COL21A1: variants seen among roughly 807,000 people sequenced by gnomAD.
The protein encoded by COL21A1 is collagen alpha-1(XXI) chain.
COL21A1 carries 149 observed loss-of-function variants against 137.9 expected under a neutral mutation model. The observed-to-expected ratio is 1.08, with a 90% CI of 0.95 to 1.24. The LOEUF (loss-of-function observed/expected upper bound fraction) is 1.24, where lower values mean the gene tolerates loss of function less well. Ranked by LOEUF, COL21A1 falls within the 50% of genes most tolerant of loss-of-function variation. The pLI is 0.00. For synonymous variants in COL21A1, 456 were observed against 391.5 expected, an observed-to-expected ratio of 1.16 and a Z score of -1.95; for missense variants, 1,167 against 1,158.4, an observed-to-expected ratio of 1.01 and a Z score of -0.11.
intron 1 of COL21A1, among the ~76,000 whole-genome samples, chr6:56,204,198 G>A (rs906380600): frequency 1.3e-5 from 2 of 152,040 alleles, no homozygotes; most frequent in African/African-American, 4.8e-5. Flanking sequence ...TCCGTGGGTC[G>A]CTCCCCCATG....
At chr6:56,240,270 C>G (rs1039604501) in intron 1 of COL21A1, among the ~76,000 whole-genome samples, 1 of 151,792 alleles carries the variant, frequency 6.6e-6, no homozygotes, top group East Asian at 1.9e-4. Context: ...CAGCTTTCAG[C>G]TGGCTTTCCC....
At chr6:56,330,252 G>T (rs1444218729) in intron 1 of COL21A1, among the ~76,000 whole-genome samples, 2 of 151,664 alleles carry the variant, frequency 1.3e-5, no homozygotes, top group Admixed American at 1.3e-4. Flanking sequence ...TAGATTTTTG[G>T]TATAAACCAA....
At chr6:56,076,347 A>G (rs1456404559) in intron 18 of COL21A1, among the ~76,000 whole-genome samples, 1 of 151,536 alleles carries the variant, frequency 6.6e-6, no homozygotes, top group Non-Finnish European at 1.5e-5. Flanking sequence ...CAATGAGCTC[A>G]TGATAAACAA....
At chr6:56,236,884 G>C (rs1387815522) in intron 1 of COL21A1, among the ~76,000 whole-genome samples, 1 of 151,992 alleles carries the variant, frequency 6.6e-6, no homozygotes, top group Non-Finnish European at 1.5e-5. Context: ...TGCTGCGAAA[G>C]TGATGAAATA....
chr6:56,157,307 CTTTTTT>C (rs34605782), intron 9 of COL21A1, among the ~76,000 whole-genome samples: 2 of 94,036 alleles, frequency 2.1e-5, no homozygotes, highest in Non-Finnish European at 2.0e-5. Flanking sequence ...ACTCATAAGA[CTTTTTT>C]TTTTTTTTTT....
intron 16 of COL21A1, among the ~76,000 whole-genome samples, 197 bp from the exon 17 acceptor site, chr6:56,101,722 C>T (rs1034535854): frequency 2.6e-5 from 4 of 151,742 alleles, no homozygotes; most frequent in African/African-American, 2.4e-5. Flanking sequence ...ATATAAACAA[C>T]AAAAATGTGT....
intron 3 of COL21A1, among the ~76,000 whole-genome samples, chr6:56,178,174 G>A (rs1382592496): frequency 6.6e-6 from 1 of 152,092 alleles, no homozygotes; most frequent in Non-Finnish European, 1.5e-5. Flanking sequence ...TGAATGATAA[G>A]TGAAATTTCT....
intron 1 of COL21A1, among the ~76,000 whole-genome samples, chr6:56,265,170 G>A: frequency 6.6e-6 from 1 of 152,172 alleles, no homozygotes; most frequent in Non-Finnish European, 1.5e-5. Context: ...CAAGCTACTT[G>A]GAAAATTAAG....
chr6:56,135,841 T>G (rs1773958037), intron 12 of COL21A1, among the ~76,000 whole-genome samples: 1 of 152,220 alleles, frequency 6.6e-6, no homozygotes, highest in Admixed American at 6.5e-5. Flanking sequence ...CTAGAGAATT[T>G]TATTTGACTT....
intron 16 of COL21A1, among the ~76,000 whole-genome samples, chr6:56,109,027 T>G (rs903230143): frequency 1.4e-4 from 22 of 151,858 alleles, no homozygotes; most frequent in African/African-American, 5.3e-4. Flanking sequence ...TTAAAAAAAG[T>G]TAATGAAAAC....
At chr6:56,325,962 A>G (rs757847438) in intron 1 of COL21A1, among the ~76,000 whole-genome samples, 1 of 62,218 alleles carries the variant, frequency 1.6e-5, no homozygotes, top group South Asian at 5.9e-4. Context: ...TAATATATAT[A>G]ATATATATTA....
At chr6:56,149,207 G>A (rs12211619) in intron 10 of COL21A1, among the ~76,000 whole-genome samples, 22,951 of 151,778 alleles carry the variant, frequency 0.15, 1,742 homozygotes, top group Middle Eastern at 0.23. Flanking sequence ...TAAATTCCCA[G>A]TGAAATCAAG....
upstream of COL21A1, among the ~76,000 whole-genome samples, chr6:56,252,458 T>TTAA (rs1554170561): frequency 2.0e-5 from 3 of 152,316 alleles, no homozygotes; most frequent in East Asian, 5.8e-4. Flanking sequence ...ATTTATTTTT[T>TTAA]AAAAAATGAA....
At chr6:56,203,532 T>G (rs1419700607) in intron 1 of COL21A1, among the ~76,000 whole-genome samples, 1 of 152,192 alleles carries the variant, frequency 6.6e-6, no homozygotes, top group African/African-American at 2.4e-5. Flanking sequence ...CTGGGGCATG[T>G]GAGACATAAG....
chr6:56,282,178 C>A (rs1478325396), intron 1 of COL21A1, among the ~76,000 whole-genome samples: 2 of 151,994 alleles, frequency 1.3e-5, no homozygotes, highest in Non-Finnish European at 2.9e-5. Flanking sequence ...CCTTAGGAAG[C>A]CTTTCTATTA....
intron 1 of COL21A1, among the ~76,000 whole-genome samples, chr6:56,241,512 A>G (rs772774048): frequency 6.6e-5 from 10 of 152,230 alleles, no homozygotes; most frequent in Non-Finnish European, 1.2e-4. Flanking sequence ...TTGCTAGCTA[A>G]CAAGGAATCT....
intron 1 of COL21A1, among the ~76,000 whole-genome samples, chr6:56,227,902 G>C (rs1315798002): frequency 6.6e-6 from 1 of 151,970 alleles, no homozygotes; most frequent in Admixed American, 6.6e-5. Context: ...TTCTCTGAGA[G>C]GAAGTAAAGT....
In COL21A1 at chr6:56,134,555, T is replaced by C. The variant is rs377348667; in HGVS notation, c.1542+7230A>G. Among the ~76,000 whole-genome samples, 192 of 152,306 alleles carry C rather than the reference T, an allele frequency of 1.3e-3. 4 individuals are homozygous for C. Among genetic ancestry groups the C allele is most frequent in the African/African-American group, 4.3e-3 (180 of 41,562 alleles). On this transcript the variant is annotated intron_variant, in intron 12 of 29. Transcript: ENST00000244728. ...TGGGAAGGCATGATTGGTTTTGAAATGTGAAGACATAAGATTTGGGAGGGA... is the reference window on the plus strand; with the variant it reads ...TGGGAAGGCATGATTGGTTTTGAAACGTGAAGACATAAGATTTGGGAGGGA...
intron 1 of COL21A1, among the ~76,000 whole-genome samples, chr6:56,197,198 A>G (rs541859870): frequency 1.6e-4 from 24 of 152,236 alleles, no homozygotes; most frequent in Admixed American, 5.9e-4. Flanking sequence ...TAGAGCATAC[A>G]CAAAAACTAA....
Sources: gnomAD v4.1 joint callset for allele counts (sites outside exome capture counted in the v4.1 genomes callset) on GRCh38, gnomAD v4.1.1 for gene constraint, MANE v1.5 for transcripts, NCBI Gene and HGNC (gene_info 2026-07-23, HGNC 2026-07-21) for gene names.